GPR179: variants seen among roughly 807,000 people sequenced by gnomAD.
GPR179 encodes probable G protein-coupled receptor 179.
Under a neutral mutation model 70.8 loss-of-function variants are expected in GPR179, and 52 were observed. The ratio of observed to expected loss-of-function variants is 0.73; its 90% CI spans 0.59 to 0.93. GPR179 has a LOEUF of 0.93. GPR179 is among the 40% of genes least tolerant of loss of function. The probability of loss-of-function intolerance (pLI) is 0.00; values close to 1 mark genes in which losing one functional copy is unlikely to be tolerated. For missense variants in GPR179, 2,734 were observed against 2,966.8 expected, an observed-to-expected ratio of 0.92 and a Z score of 1.82; for synonymous variants, 1,123 against 1,169.0, an observed-to-expected ratio of 0.96 and a Z score of 0.80.
rs762577926 is a variant in GPR179, at chr17:38,328,924, A to G, written c.4645T>C (p.Cys1549Arg). The G allele has an allele frequency of 1.2e-6, 2 of 1,614,176 alleles. No individual in the cohort carries two copies. Among genetic ancestry groups the G allele is most frequent in the Non-Finnish European group, 8.5e-7 (1 of 1,180,030 alleles). The change falls in exon 11 of 11, where the codon TGT (cysteine) becomes CGT (arginine). Residue 1549 changes from cysteine (C) to arginine (R), a missense_variant. Physicochemically the swap from Cys to Arg is radical, Grantham distance 180. Coordinates refer to ENST00000616987, the MANE Select transcript of GPR179 (RefSeq NM_001004334.4). Reference protein sequence around the residue: ...ESTVPGHSSPCLDNSSSKAGS... With the variant: ...ESTVPGHSSPRLDNSSSKAGS... ...GCTTTGGATGAGGAATTGTCTAGAC[A>G]TGGGCTGGAGTGCCCAGGGACCGTG...
chr17:38,324,758 AAC>A lies in GPR179; in HGVS notation c.*1705_*1706del, dbSNP rs2037269500. On this transcript the variant is annotated 3_prime_UTR_variant, in exon 11 of 11. Coordinates refer to ENST00000616987, the MANE Select transcript of GPR179 (RefSeq NM_001004334.4). ...CTAACTAGCCAGAGCCCAGAACAAC[AAC>A]ACACTTCAATTACTGCTCCAAAAGC... Among the ~76,000 whole-genome samples the A allele has an allele frequency of 1.3e-5, 2 of 152,166 alleles. No individual in the cohort carries two copies. Among genetic ancestry groups the A allele is most frequent in the African/African-American group, 2.4e-5 (1 of 41,434 alleles).
Position 38,328,340 on chromosome 17 carries a change from T to C in GPR179, c.5229A>G (p.Arg1743=). The change falls in exon 11 of 11, where the codon AGA becomes AGG. Residue 1743 remains arginine (R), a synonymous_variant. Coordinates refer to ENST00000616987, the MANE Select transcript of GPR179 (RefSeq NM_001004334.4). ...GTGGCTTCTCTGGAGCAGTAACAGCTCTCTCCCTGGGTCCAAGATCTGCAG... is the reference window on the plus strand; with the variant it reads ...GTGGCTTCTCTGGAGCAGTAACAGCCCTCTCCCTGGGTCCAAGATCTGCAG... ...KVSADLGPRE[R]AVTAPEKPQK... is the part of the protein sequence containing the mutation. 1 of 1,614,008 alleles carries C rather than the reference T, an allele frequency of 6.2e-7. No homozygotes were observed. The highest frequency in any genetic ancestry group is 8.5e-7 in the Non-Finnish European group (1 of 1,180,002).
At position 38,329,275 on chromosome 17, in the gene GPR179, T is replaced by C; in HGVS notation, c.4294A>G (p.Ser1432Gly). The change falls in exon 11 of 11, where the codon AGT becomes GGT. Residue 1432 changes from serine to glycine, a missense_variant. Coordinates refer to ENST00000616987, the MANE Select transcript of GPR179 (RefSeq NM_001004334.4). ...GCTGAGGGGCCCCGGAAATCTGTACTCTCCCATGGACAAAGAGACTCCAAG... is the reference window on the plus strand; with the variant it reads ...GCTGAGGGGCCCCGGAAATCTGTACCCTCCCATGGACAAAGAGACTCCAAG... ...GDLESLCPWE[S>G]TDFRGPSAVS... The C allele has an allele frequency of 6.2e-7, 1 of 1,613,490 alleles. No homozygotes were observed. The highest frequency in any genetic ancestry group is 8.5e-7 in the Non-Finnish European group (1 of 1,179,740).
chr17:38,327,801 C>T lies in GPR179; in HGVS notation c.5768G>A (p.Gly1923Asp). Residue 1923 changes from glycine (G) to aspartate (D), a missense_variant, in exon 11 of 11, where the codon GGT (glycine) becomes GAT (aspartate). Physicochemically the swap from Gly to Asp is moderately conservative, Grantham distance 94. Coordinates refer to ENST00000616987, the MANE Select transcript of GPR179 (RefSeq NM_001004334.4). ...TTGGGTTATGTGTTCTGGGAAGGAA[C>T]CTGTCTTTGGGTCTTGTCTCAGGTC... ...KGDLRQDPKT[G>D]SFPEHITQEK... The T allele has an allele frequency of 6.2e-7, 1 of 1,614,136 alleles. No homozygotes were observed. Among genetic ancestry groups the T allele is most frequent in the Non-Finnish European group, 8.5e-7 (1 of 1,180,020 alleles).
Position 38,329,971 on chromosome 17 carries a change from G to A in GPR179, c.3598C>T (p.Leu1200Phe), listed in dbSNP as rs757597594. 4 of 1,614,212 alleles carry A rather than the reference G, an allele frequency of 2.5e-6. No homozygotes were observed. The highest frequency in any genetic ancestry group is 1.7e-5 in the Admixed American group (1 of 60,028). ...RKAERAGKTG[L>F]AMLRQVSRDK... ...CTGGAAACTTGCCTCAGCATGGCAA[G>A]CCCTGTTTTACCTGCTCTCTCAGCT... Residue 1200 changes from leucine to phenylalanine, a missense_variant, in exon 11 of 11, where the codon CTT becomes TTT. Physicochemically the swap from Leu to Phe is conservative, Grantham distance 22. Coordinates refer to ENST00000616987, the MANE Select transcript of GPR179 (RefSeq NM_001004334.4).
At chr17:38,337,506 C>A (rs547572273) in intron 3 of GPR179, 127 bp downstream of exon 3, 1 of 835,822 alleles carries the variant, frequency 1.2e-6, no homozygotes, top group Non-Finnish European at 1.9e-6. Context: ...CCTCTCTCAA[C>A]CTTCTGCCCT....
In GPR179 at chr17:38,328,094, T is replaced by TC. The variant is rs1178295352; in HGVS notation, c.5474dup (p.Thr1826AsnfsTer13). Reference sequence around the variant, plus strand: ...TTTGGTCCAATCCCTTCCCAGTAGTTCCTTCACTTACCTCCCAGGGACAGA... The same window carrying TC: ...TTTGGTCCAATCCCTTCCCAGTAGTTCCCTTCACTTACCTCCCAGGGACAGA... On this transcript the variant is annotated frameshift_variant, in exon 11 of 11. Coordinates refer to ENST00000616987, the MANE Select transcript of GPR179 (RefSeq NM_001004334.4). LOFTEE classifies it low-confidence loss of function (END_TRUNC). The TC allele has an allele frequency of 1.2e-6, 2 of 1,614,154 alleles. No homozygotes were observed.
chr17:38,343,422 A>G lies in GPR179; in HGVS notation c.368T>C (p.Val123Ala). 1.2e-6 allele frequency: 2 copies of G among 1,614,086 alleles called. No homozygotes were observed. Among genetic ancestry groups the G allele is most frequent in the Non-Finnish European group, 8.5e-7 (1 of 1,180,012 alleles). Residue 123 changes from valine (V) to alanine (A), a missense_variant, in exon 1 of 11, where the codon GTG becomes GCG. Transcript: ENST00000616987. The surrounding 1 kb of genome is among the most constrained non-coding windows in gnomAD (Gnocchi z 4.2). ...CTGGTACCATTCCACATCCTCCTCC[A>G]CACTGGACTCACGGATGTCGTTGGC... ...LQANDIRESS[V>A]EEDVEWYQAL...
In GPR179 at chr17:38,335,117, G is replaced by A. The variant is rs760409901; in HGVS notation, c.1561C>T (p.Pro521Ser). The A allele has an allele frequency of 1.2e-6, 2 of 1,609,416 alleles. No individual in the cohort carries two copies. The highest frequency in any genetic ancestry group is 1.7e-6 in the Non-Finnish European group (2 of 1,178,232). ...GGAGTGTGGCCTCGGATCACCAGAG[G>A]TGCGTGCTGGATGCCTCGCTCCAGG... Reference protein sequence around the residue: ...GALERGIQHAPLVIRGHTPSG... With the variant: ...GALERGIQHASLVIRGHTPSG... Residue 521 changes from proline to serine, a missense_variant, in exon 7 of 11, where the codon CCT (proline) becomes TCT (serine). Transcript: ENST00000616987.
chr17:38,336,800 T>A (rs2037407249), intron 4 of GPR179, among the ~76,000 whole-genome samples, 178 bp downstream of exon 4: 1 of 152,216 alleles, frequency 6.6e-6, no homozygotes, highest in Admixed American at 6.5e-5. Context: ...AATGCCCTTA[T>A]TTTACAGATG....
chr17:38,343,445 G>A lies in GPR179; in HGVS notation c.345C>T (p.Ala115=). 1 of 1,614,104 alleles carries A rather than the reference G, an allele frequency of 6.2e-7. No individual in the cohort carries two copies. Among genetic ancestry groups the A allele is most frequent in the Non-Finnish European group, 8.5e-7 (1 of 1,180,038 alleles). ...AANFLNMLLQ[A]NDIRESSVEE... The stretch of plus-strand genomic sequence containing the variant: ...CCACACTGGACTCACGGATGTCGTT[G>A]GCTTGCAGCAGCATGTTGAGAAAAT... The change falls in exon 1 of 11, where the codon GCC becomes GCT. Residue 115 remains alanine, a synonymous_variant. Transcript: ENST00000616987. The surrounding 1 kb of genome is among the most constrained non-coding windows in gnomAD (Gnocchi z 4.2).
rs2037395472 is a variant in GPR179, at chr17:38,335,330, G to GT, written c.1407-60dup. ...GGGACCTGGGTGGATCACGAAGAGG[G>GT]TGCCAGCGCCCTGGTCTCTGTCCAT... On this transcript the variant is annotated intron_variant, in intron 6 of 10. Transcript: ENST00000616987. 4.8e-5 allele frequency: 63 copies of GT among 1,306,772 alleles called. 1 individual carries two copies. The South Asian group carries it at 8.2e-4, about 17-fold the overall frequency. The allele number at this position is 1,306,772 out of a possible 1,614,324, so 80.9% of individuals were successfully genotyped here. A position where few individuals can be genotyped will look rare whatever the true frequency, so the allele number is the denominator to read the frequency against.
rs2037272038 is a variant in GPR179, at chr17:38,325,001, A to G, written c.*1464T>C. 6.6e-6 allele frequency among the ~76,000 whole-genome samples: 1 copy of G among 152,018 alleles called. No individual in the cohort carries two copies. Among genetic ancestry groups the G allele is most frequent in the Admixed American group, 6.6e-5 (1 of 15,248 alleles). On this transcript the variant is annotated 3_prime_UTR_variant, in exon 11 of 11. Coordinates refer to ENST00000616987, the MANE Select transcript of GPR179 (RefSeq NM_001004334.4). ...CCCTGTTTGTCTTTTTCTCCCCATG[A>G]ATGACATCAATGTCTGTACTGTTGT...
rs771057844 is a variant in GPR179 at position 38,329,708 on chromosome 17, T to C, written c.3861A>G (p.Gln1287=). Residue 1287 remains glutamine (Q), a synonymous_variant, in exon 11 of 11, where the codon CAA becomes CAG. Transcript: ENST00000616987. ...TTCCCCGGGCCTCCCCTCTCTTTTTTTGGGAGTCACCTGGGTCTTGTCTTA... is the reference window on the plus strand; with the variant it reads ...TTCCCCGGGCCTCCCCTCTCTTTTTCTGGGAGTCACCTGGGTCTTGTCTTA... ...RALRQDPGDS[Q]KKRGEARGKS... The C allele has an allele frequency of 4.3e-5, 69 of 1,614,038 alleles. No homozygotes were observed. The South Asian group carries it at 4.4e-4, about 10-fold the overall frequency.
In GPR179 at chr17:38,341,036, G is replaced by C. The variant is rs148797274; in HGVS notation, c.795-1511C>G. ...GTATTGTGACCCTTATGATGAGTGA[G>C]GAAAGGGATCACACTTTTCTGCCCC... On this transcript the variant is annotated intron_variant, in intron 1 of 10. Transcript: ENST00000616987. Among the ~76,000 whole-genome samples the C allele has an allele frequency of 3.9e-3, 601 of 152,308 alleles. 2 individuals carry two copies. Among genetic ancestry groups the C allele is most frequent in the South Asian group, 0.015 (72 of 4,832 alleles).
At position 38,326,103 on chromosome 17, in the gene GPR179, C is replaced by T. The variant is rs4794777; in HGVS notation, c.*362G>A. 7,840 of 229,972 alleles carry T rather than the reference C, an allele frequency of 0.034. 589 individuals are homozygous for T. The highest frequency in any genetic ancestry group is 0.16 in the African/African-American group (7,094 of 44,164). 14.2% of individuals were successfully genotyped at this position (229,972 alleles called of 1,614,324 possible). On this transcript the variant is annotated 3_prime_UTR_variant, in exon 11 of 11. Coordinates refer to ENST00000616987, the MANE Select transcript of GPR179 (RefSeq NM_001004334.4). ...GGGTCCCCCTGTGAGAGAAGGTAGG[C>T]TGGGCACAACTGACTTTTTTCATCC...
At position 38,336,073 on chromosome 17, in the gene GPR179, C is replaced by A. The variant is rs561468961; in HGVS notation, c.1296+3G>T. Reference sequence around the variant, plus strand: ...TGGGGCCAGCCTGTGGCCACAGACTCACAGGAAAGTAAAGCAGCAGGAATC... The same window carrying A: ...TGGGGCCAGCCTGTGGCCACAGACTAACAGGAAAGTAAAGCAGCAGGAATC... On this transcript the variant is annotated splice_donor_region_variant and intron_variant, in intron 5 of 10. Transcript: ENST00000616987. The A allele has an allele frequency of 1.9e-6, 3 of 1,611,054 alleles. No individual in the cohort carries two copies. The Admixed American group carries it at 5.0e-5, about 27-fold the overall frequency.
At chr17:38,331,924 T>G (rs1021425694) in intron 10 of GPR179, among the ~76,000 whole-genome samples, 3 of 152,158 alleles carry the variant, frequency 2.0e-5, no homozygotes, top group African/African-American at 7.2e-5. Context: ...TTAAGAGCAT[T>G]ATATGAGATT....
chr17:38,327,046 T>TTGC lies in GPR179; in HGVS notation c.6520_6522dup (p.Ala2174dup), dbSNP rs1220915244. The TTGC allele has an allele frequency of 1.9e-6, 3 of 1,614,104 alleles. No individual in the cohort carries two copies. Among genetic ancestry groups the TTGC allele is most frequent in the Non-Finnish European group, 1.7e-6 (2 of 1,180,042 alleles). On this transcript the variant is annotated inframe_insertion, in exon 11 of 11. Transcript: ENST00000616987. ...CAGACTGCCTCCTGCTCTCTGGGCT[T>TTGC]TGCTGCTGCTTTTGAGAAGTGTTCT...
Sources: allele counts gnomAD v4.1 joint callset (sites outside exome capture counted in the v4.1 genomes callset), GRCh38; gene constraint gnomAD v4.1.1; non-coding constraint Gnocchi (gnomAD v3.1); transcripts MANE v1.5; gene names NCBI Gene and HGNC (gene_info 2026-07-23, HGNC 2026-07-21).